Variants in GRIN2B observed in about 807,000 individuals in gnomAD.
The protein encoded by GRIN2B is glutamate receptor ionotropic, NMDA 2B.
GRIN2B carries 5 observed loss-of-function variants against 114.5 expected under a neutral mutation model. That is an observed-to-expected ratio of 0.04 (90% CI 0.02 to 0.09). The LOEUF is 0.09. GRIN2B is among the 10% of genes least tolerant of loss of function. The pLI is 1.00. For synonymous variants in GRIN2B, 787 were observed against 745.1 expected (o/e 1.06, Z -0.92); for missense variants, 1,108 against 1,943.5 (o/e 0.57, Z 8.08).
In GRIN2B at chr12:13,615,332, A is replaced by G. The variant is rs1448296330; in HGVS notation, c.1501-65T>C. 1.0e-5 allele frequency: 16 copies of G among 1,538,794 alleles called. No individual in the cohort carries two copies. The highest frequency in any genetic ancestry group is 1.3e-5 in the Non-Finnish European group (15 of 1,111,852). On this transcript the variant is annotated intron_variant, in intron 7 of 13. Transcript: ENST00000609686. This position sits in a 1 kb window ranked among gnomAD's most constrained non-coding sequence, Gnocchi z 5.8. The stretch of plus-strand genomic sequence containing the variant: ...AGGGCAAGGGACCACCACAAGGAAA[A>G]TACAGCCTATCAGTGGTTTTCTTTG...
rs57722937 is a variant in GRIN2B at position 13,855,049 on chromosome 12, G to GGAAAAAAAAAAA, written c.411+10748_411+10749insTTTTTTTTTTTC. Among the ~76,000 whole-genome samples, 34 of 88,004 alleles carry GGAAAAAAAAAAA rather than the reference G, an allele frequency of 3.9e-4. 1 individual carries two copies. The highest frequency in any genetic ancestry group is 1.5e-3 in the African/African-American group (31 of 20,690). 57.7% of individuals were successfully genotyped at this position (88,004 alleles called of 152,430 possible). The stretch of plus-strand genomic sequence containing the variant: ...AACATGGTGAAACCCCATCTCTACT[G>GGAAAAAAAAAAA]AAAAAAAAAAAAAAAAAAAATTGCC... On this transcript the variant is annotated intron_variant, in intron 3 of 13. Coordinates refer to ENST00000609686, the MANE Select transcript of GRIN2B (RefSeq NM_000834.5).
rs767063367 is a variant in GRIN2B, at chr12:13,564,889, C to A, written c.2599-250G>T. 1.1e-4 allele frequency among the ~76,000 whole-genome samples: 17 copies of A among 152,198 alleles called. No homozygotes were observed. Among genetic ancestry groups the A allele is most frequent in the Non-Finnish European group, 2.4e-4 (16 of 68,038 alleles). On this transcript the variant is annotated intron_variant, in intron 13 of 13. Transcript: ENST00000609686. This position sits in a 1 kb window ranked among gnomAD's most constrained non-coding sequence, Gnocchi z 4.8. ...GGGGGGGCATGGCCCCACCCAGTAA[C>A]TTGAGCAAAGGGACTGGAATCATAA...
chr12:13,671,185 A>T (rs181968086), intron 5 of GRIN2B, among the ~76,000 whole-genome samples: 1 of 152,232 alleles, frequency 6.6e-6, no homozygotes, highest in Non-Finnish European at 1.5e-5. Flanking sequence ...AAAATTACAC[A>T]AGAAGGGTAT....
Position 13,551,000 on chromosome 12 carries a change from A to G in GRIN2B, c.*11783T>C, listed in dbSNP as rs1032277123. On this transcript the variant is annotated 3_prime_UTR_variant, in exon 14 of 14. Coordinates refer to ENST00000609686, the MANE Select transcript of GRIN2B (RefSeq NM_000834.5). ...CTCATTGACTTCTAAATGCATTTAT[A>G]TCAAAGAAAGGGTGATTTTACTACT... The G allele has an allele frequency of 6.6e-6, 1 of 152,046 alleles. No homozygotes were observed. The highest frequency in any genetic ancestry group is 1.5e-5 in the Non-Finnish European group (1 of 68,020). 9.4% of individuals were successfully genotyped at this position (152,046 alleles called of 1,614,324 possible). A position where few individuals can be genotyped will look rare whatever the true frequency, so the allele number is the denominator to read the frequency against.
chr12:13,604,797 A>G (rs900329242), intron 10 of GRIN2B, among the ~76,000 whole-genome samples: 3 of 151,382 alleles, frequency 2.0e-5, no homozygotes, highest in Non-Finnish European at 4.4e-5. Context: ...TCTGATTTAT[A>G]TAACTGTCCA....
intron 2 of GRIN2B, among the ~76,000 whole-genome samples, chr12:13,885,167 A>C (rs1403877719): frequency 1.3e-5 from 2 of 152,200 alleles, no homozygotes; most frequent in African/African-American, 4.8e-5. Context: ...TCCCTACACC[A>C]AAATTTGGGA....
At chr12:13,590,460 T>C (rs1948992581) in intron 10 of GRIN2B, among the ~76,000 whole-genome samples, 1 of 152,144 alleles carries the variant, frequency 6.6e-6, no homozygotes, top group Non-Finnish European at 1.5e-5. Context: ...CATTGCTTAA[T>C]TCCTACTTAT....
chr12:13,747,911 A>G (rs1412655452), intron 4 of GRIN2B, among the ~76,000 whole-genome samples: 1 of 152,324 alleles, frequency 6.6e-6, no homozygotes, highest in East Asian at 1.9e-4. Flanking sequence ...CCAGGCCAAG[A>G]GTCAAATGAG....
At chr12:13,674,809 T>C (rs1320955866) in intron 5 of GRIN2B, among the ~76,000 whole-genome samples, 5 of 152,130 alleles carry the variant, frequency 3.3e-5, no homozygotes, top group African/African-American at 9.7e-5. Flanking sequence ...CCATTCTAAA[T>C]AAAAGTAAAG....
intron 13 of GRIN2B, among the ~76,000 whole-genome samples, chr12:13,565,045 C>T (rs921833245): frequency 1.5e-4 from 23 of 152,220 alleles, no homozygotes; most frequent in East Asian, 3.8e-4. Flanking sequence ...TGGAAATAAA[C>T]GGCCATGTTC....
chr12:13,958,780 C>A (rs1867639927), intron 2 of GRIN2B, among the ~76,000 whole-genome samples: 1 of 152,160 alleles, frequency 6.6e-6, no homozygotes, highest in African/African-American at 2.4e-5. Flanking sequence ...CTTCTTCCCA[C>A]CCACTACCAA....
intron 2 of GRIN2B, among the ~76,000 whole-genome samples, chr12:13,961,723 G>A (rs12829455): frequency 0.41 from 61,566 of 151,942 alleles, 13,672 homozygotes; most frequent in Middle Eastern, 0.55. Context: ...TTAGAGGGTT[G>A]AGAGCATTTA....
chr12:13,647,538 G>A (rs578207866), intron 5 of GRIN2B, among the ~76,000 whole-genome samples: 1 of 152,142 alleles, frequency 6.6e-6, no homozygotes, highest in Non-Finnish European at 1.5e-5. Flanking sequence ...AATGTATATG[G>A]TCTTGAAGTT....
At chr12:13,799,776 A>G (rs1484589243) in intron 3 of GRIN2B, among the ~76,000 whole-genome samples, 1 of 151,998 alleles carries the variant, frequency 6.6e-6, no homozygotes, top group Non-Finnish European at 1.5e-5. Context: ...AGAAAAATTG[A>G]CTGTCAAAAG....
In GRIN2B at chr12:13,972,518, T is replaced by A. The variant is rs554420357; in HGVS notation, c.-19+7410A>T. Among the ~76,000 whole-genome samples the A allele has an allele frequency of 2.6e-5, 4 of 152,034 alleles. No homozygotes were observed. In the East Asian group the frequency reaches 7.7e-4, roughly 29 times the overall value. On this transcript the variant is annotated intron_variant, in intron 2 of 13. Transcript: ENST00000609686. ...AACATTTTTAAAGACCCATTACATA[T>A]AAGAGAGAACTCCGGACTCTGATGC... is the stretch of plus-strand genomic sequence containing the variant.
chr12:13,729,559 A>T (rs1863047170), intron 4 of GRIN2B, among the ~76,000 whole-genome samples: 1 of 152,078 alleles, frequency 6.6e-6, no homozygotes, highest in Admixed American at 6.6e-5. Flanking sequence ...CAGAGAATGG[A>T]GCCAAATGAA....
At chr12:13,766,646 T>A (rs1863795448) in intron 3 of GRIN2B, among the ~76,000 whole-genome samples, 1 of 152,194 alleles carries the variant, frequency 6.6e-6, no homozygotes, top group South Asian at 2.1e-4. Flanking sequence ...CATTTTCATC[T>A]CAGAAGATTA....
Position 13,571,970 on chromosome 12 carries a change from G to A in GRIN2B, c.2011-6C>T, listed in dbSNP as rs1565457940. 1 of 1,611,756 alleles carries A rather than the reference G, an allele frequency of 6.2e-7. No individual in the cohort carries two copies. The highest frequency in any genetic ancestry group is 1.3e-5 in the African/African-American group (1 of 75,008). On this transcript the variant is annotated splice_region_variant and splice_polypyrimidine_tract_variant and intron_variant, in intron 10 of 13. Transcript: ENST00000609686. Reference sequence around the variant, plus strand: ...AAGTCATTAGGTCTCTGGAACTGGAGAGAGAAAGACAGATAGAGACAGAGC... The same window carrying A: ...AAGTCATTAGGTCTCTGGAACTGGAAAGAGAAAGACAGATAGAGACAGAGC...
At chr12:13,805,641 GTAC>G (rs1864588065) in intron 3 of GRIN2B, among the ~76,000 whole-genome samples, 1 of 152,116 alleles carries the variant, frequency 6.6e-6, no homozygotes, top group East Asian at 1.9e-4. Context: ...TATTTATAGT[GTAC>G]TACATGATGT....
Sources: allele counts gnomAD v4.1 joint callset (sites outside exome capture counted in the v4.1 genomes callset), GRCh38; gene constraint gnomAD v4.1.1; non-coding constraint Gnocchi (gnomAD v3.1); transcripts MANE v1.5; gene names NCBI Gene and HGNC (gene_info 2026-07-23, HGNC 2026-07-21).